The following PFKP variants were observed in gnomAD, a reference collection of about 807,000 sequenced individuals.
PFKP encodes the protein ATP-dependent 6-phosphofructokinase, platelet type.
A neutral mutation model predicts 94.3 loss-of-function variants in PFKP; 101 were observed. The ratio of observed to expected loss-of-function variants is 1.07; its 90% CI spans 0.91 to 1.26. PFKP has a LOEUF of 1.26. Among genes scored for constraint, PFKP ranks in the 50% most tolerant of loss-of-function variants. The pLI, the probability that PFKP is intolerant of heterozygous loss-of-function variation, is 0.00. For synonymous variants in PFKP, 573 were observed against 432.6 expected, an observed-to-expected ratio of 1.32 and a Z score of -4.03; for missense variants, 1,145 against 1,103.3, an observed-to-expected ratio of 1.04 and a Z score of -0.53.
intron 19 of PFKP, among the ~76,000 whole-genome samples, chr10:3,134,106 C>T (rs1012862962): frequency 6.6e-6 from 1 of 152,140 alleles, no homozygotes; most frequent in African/African-American, 2.4e-5. Flanking sequence ...CCCATGAATC[C>T]CCTGCAATGA....
intron 2 of PFKP, among the ~76,000 whole-genome samples, chr10:3,097,248 G>T (rs1834566861): frequency 6.6e-6 from 1 of 151,718 alleles, no homozygotes; most frequent in African/African-American, 2.4e-5. Flanking sequence ...TCATGGCTTT[G>T]CACATGACCG....
intron 1 of PFKP, among the ~76,000 whole-genome samples, chr10:3,076,246 ATGGG>A (rs1261341952): frequency 6.6e-6 from 1 of 152,050 alleles, no homozygotes; most frequent in African/African-American, 2.4e-5. Flanking sequence ...TGGTCACGCA[ATGGG>A]TGGCGTGTGC....
At chr10:3,126,208 G>A (rs1370632642) in intron 16 of PFKP, among the ~76,000 whole-genome samples, 1 of 152,212 alleles carries the variant, frequency 6.6e-6, no homozygotes, top group Non-Finnish European at 1.5e-5. Context: ...AGGGAGCAGA[G>A]GAGCCATGAG....
rs542793952 is a variant in PFKP, at chr10:3,135,721, T to A, written c.2123-15T>A. 157 of 1,541,840 alleles carry A rather than the reference T, an allele frequency of 1.0e-4. 1 individual carries two copies. The highest frequency in any genetic ancestry group is 2.5e-4 in the South Asian group (22 of 88,878). ...TTGACAGGGTGTTATTAATCTTTTTTAAAATCTTTTATAGGAAAAAAATTT... is the reference window on the plus strand; with the variant it reads ...TTGACAGGGTGTTATTAATCTTTTTAAAAATCTTTTATAGGAAAAAAATTT... On this transcript the variant is annotated splice_polypyrimidine_tract_variant and intron_variant, in intron 20 of 21. Coordinates refer to ENST00000381125, the MANE Select transcript of PFKP (RefSeq NM_002627.5).
In PFKP at chr10:3,132,367, T is replaced by C; in HGVS notation, c.1849-13T>C. 1 of 1,596,394 alleles carries C rather than the reference T, an allele frequency of 6.3e-7. No homozygotes were observed. The highest frequency in any genetic ancestry group is 8.6e-7 in the Non-Finnish European group (1 of 1,164,042). ...GAAGTTTATTGTCTGATTAACAAAA[T>C]ACTCTCTTCCAGTCCAACGTGGAGC... On this transcript the variant is annotated splice_polypyrimidine_tract_variant and intron_variant, in intron 17 of 21. Transcript: ENST00000381125.
At chr10:3,091,176 T>G (rs1834014354) in intron 2 of PFKP, among the ~76,000 whole-genome samples, 1 of 152,170 alleles carries the variant, frequency 6.6e-6, no homozygotes, top group Admixed American at 6.5e-5. Context: ...GTTAACCCAT[T>G]CCTTTCTACC....
At chr10:3,105,547 A>C (rs749106632) in intron 7 of PFKP, 46 bp downstream of exon 7, 2 of 1,339,058 alleles carry the variant, frequency 1.5e-6, no homozygotes, top group East Asian at 4.6e-5. Context: ...TGCTGGCTGC[A>C]TTGCTTTAAT....
At chr10:3,068,362 C>A (rs1217741374) in intron 1 of PFKP, among the ~76,000 whole-genome samples, 4 of 152,152 alleles carry the variant, frequency 2.6e-5, no homozygotes, top group Non-Finnish European at 5.9e-5. Context: ...GGCAGCCCCT[C>A]GCGTTTCCGC....
intron 13 of PFKP, among the ~76,000 whole-genome samples, chr10:3,114,299 G>A (rs936855771): frequency 2.6e-5 from 4 of 152,064 alleles, no homozygotes; most frequent in African/African-American, 4.8e-5. Context: ...ACAGGCACGC[G>A]CCACCACGCC....
intron 1 of PFKP, among the ~76,000 whole-genome samples, chr10:3,077,123 G>A (rs1482796581): frequency 6.6e-6 from 1 of 152,098 alleles, no homozygotes; most frequent in Non-Finnish European, 1.5e-5. Context: ...TCAGGAGTGT[G>A]GGAAAATTCA....
intron 20 of PFKP, 85 bp from the exon 21 acceptor site, chr10:3,135,651 C>G (rs1839178949): frequency 1.2e-6 from 1 of 812,736 alleles, no homozygotes; most frequent in Non-Finnish European, 2.0e-6. Context: ...TGAGGAATCT[C>G]AGTTCTCATC....
intron 1 of PFKP, among the ~76,000 whole-genome samples, chr10:3,074,490 A>AGGAGG (rs1338439648): frequency 6.6e-6 from 1 of 151,950 alleles, no homozygotes; most frequent in African/African-American, 2.4e-5. Flanking sequence ...TGGAGAGGAG[A>AGGAGG]GGAGGGGAGG....
intron 6 of PFKP, 110 bp from the exon 7 acceptor site, chr10:3,105,283 G>A (rs1438798841): frequency 3.9e-5 from 51 of 1,294,678 alleles, no homozygotes; most frequent in Middle Eastern, 4.3e-4. Context: ...CCGGCATCCC[G>A]CTTCATACCT....
chr10:3,094,553 G>C (rs1187063557), intron 2 of PFKP, among the ~76,000 whole-genome samples: 1 of 152,184 alleles, frequency 6.6e-6, no homozygotes, highest in Non-Finnish European at 1.5e-5. Context: ...TTGGTGGGGA[G>C]GTGAGCAGGG....
intron 13 of PFKP, among the ~76,000 whole-genome samples, chr10:3,114,576 C>T (rs1024915348): frequency 1.1e-4 from 16 of 152,236 alleles, no homozygotes; most frequent in Non-Finnish European, 2.1e-4. Context: ...TCCTCCTGCT[C>T]TCTGGATGGT....
At chr10:3,082,321 G>A (rs1833145706) in intron 1 of PFKP, 67 bp from the exon 2 acceptor site, 1 of 1,201,346 alleles carries the variant, frequency 8.3e-7, no homozygotes, top group Admixed American at 1.9e-5. Flanking sequence ...ATGGTCATGG[G>A]TAGTTAGTGG....
intron 1 of PFKP, among the ~76,000 whole-genome samples, chr10:3,071,998 C>CGCGTACCT (rs953814752): frequency 6.6e-6 from 1 of 152,178 alleles, no homozygotes; most frequent in Non-Finnish European, 1.5e-5. Flanking sequence ...TTCAGGGCTG[C>CGCGTACCT]GCGTACCTGC....
At chr10:3,112,112 G>C in intron 10 of PFKP, 110 bp from the exon 11 acceptor site, 1 of 874,206 alleles carries the variant, frequency 1.1e-6, no homozygotes, top group Non-Finnish European at 1.9e-6. Context: ...GGCTGCCCGG[G>C]TCAGACTGGA....
intron 8 of PFKP, chr10:3,107,909 CG>C: frequency 7.8e-7 from 1 of 1,289,524 alleles, no homozygotes; most frequent in Non-Finnish European, 1.0e-6. Flanking sequence ...TGCAGGCTGC[CG>C]GGGCTGGGGA....
Sources: gnomAD v4.1 joint callset for allele counts (sites outside exome capture counted in the v4.1 genomes callset) on GRCh38, gnomAD v4.1.1 for gene constraint, MANE v1.5 for transcripts, NCBI Gene and HGNC (gene_info 2026-07-23, HGNC 2026-07-21) for gene names.